Variants in C12orf42 observed in about 807,000 individuals in gnomAD.
C12orf42 encodes chromosome 12 open reading frame 42.
A neutral mutation model predicts 21.6 loss-of-function variants in C12orf42; 25 were observed. That is an observed-to-expected ratio of 1.16 (90% CI 0.84 to 1.62). The LOEUF (loss-of-function observed/expected upper bound fraction) is 1.62, where lower values mean the gene tolerates loss of function less well. Ranked by LOEUF, C12orf42 falls within the 40% of genes most tolerant of loss-of-function variation. The probability of loss-of-function intolerance (pLI) is 0.00; values close to 1 mark genes in which losing one functional copy is unlikely to be tolerated. For synonymous variants in C12orf42, 174 were observed against 175.0 expected (o/e 0.99, Z 0.05); for missense variants, 483 against 459.3 (o/e 1.05, Z -0.47).
the C12orf42 span, among the ~76,000 whole-genome samples, chr12:103,194,091 G>C: frequency 0.025 from 3,746 of 151,504 alleles, 46 homozygotes; most frequent in East Asian, 0.028. Context: ...CATCTCAATA[G>C]ATGCAGAAAA....
chr12:103,126,633 A>T, the C12orf42 span, among the ~76,000 whole-genome samples: 1 of 152,108 alleles, frequency 6.6e-6, no homozygotes, highest in Non-Finnish European at 1.5e-5. Context: ...TTGTTTGCAG[A>T]TGACATGATA....
intron 4 of C12orf42, among the ~76,000 whole-genome samples, chr12:103,353,306 G>A (rs911397668): frequency 6.6e-6 from 1 of 151,534 alleles, no homozygotes; most frequent in African/African-American, 2.4e-5. Flanking sequence ...AAAAAGAGGG[G>A]GTGGGGGGCA....
At chr12:103,260,835 G>T (rs988854953) in intron 10 of C12orf42, among the ~76,000 whole-genome samples, 4 of 152,174 alleles carry the variant, frequency 2.6e-5, no homozygotes, top group Non-Finnish European at 5.9e-5. Flanking sequence ...TTGTAAGTGT[G>T]AAGGTATATT....
At chr12:103,359,902 A>G (rs7955455) in intron 4 of C12orf42, among the ~76,000 whole-genome samples, 21,600 of 151,280 alleles carry the variant, frequency 0.14, 1,902 homozygotes, top group South Asian at 0.28. Context: ...CCCTTCCCCA[A>G]CTTGACCTTC....
chr12:103,296,224 T>C (rs968686314), intron 4 of C12orf42, among the ~76,000 whole-genome samples: 6 of 152,180 alleles, frequency 3.9e-5, no homozygotes, highest in African/African-American at 1.4e-4. Flanking sequence ...TAGTATTCCA[T>C]AGTGTATATG....
In C12orf42 at chr12:103,440,815, A is replaced by G. The variant is rs959418452; in HGVS notation, c.78+37534T>C. 2.6e-5 allele frequency among the ~76,000 whole-genome samples: 4 copies of G among 152,192 alleles called. 1 individual carries two copies. The highest frequency in any genetic ancestry group is 4.1e-4 in the South Asian group (2 of 4,826). On this transcript the variant is annotated intron_variant, in intron 2 of 5. Coordinates refer to ENST00000548883, the MANE Select transcript of C12orf42 (RefSeq NM_198521.5). Reference sequence around the variant, plus strand: ...CTTAGGCCAAGTTCTACAGTGAAAAAAAAAGTGTTTAAATTCCTTCACCAA... The same window carrying G: ...CTTAGGCCAAGTTCTACAGTGAAAAGAAAAGTGTTTAAATTCCTTCACCAA...
Position 103,393,573 on chromosome 12 carries a change from C to G in C12orf42, c.147+8034G>C, listed in dbSNP as rs1002250155. ...AAATATCAACAACAACACATGCTTC[C>G]GTTCCCTTATCCTGCTTTTTCTCTA... On this transcript the variant is annotated intron_variant, in intron 3 of 5. Transcript: ENST00000548883. Among the ~76,000 whole-genome samples the G allele has an allele frequency of 2.6e-5, 4 of 152,130 alleles. No homozygotes were observed. In the South Asian group the frequency reaches 6.2e-4, roughly 24 times the overall value.
chr12:103,475,809 A>G (rs1219989556), intron 2 of C12orf42, among the ~76,000 whole-genome samples: 2 of 152,202 alleles, frequency 1.3e-5, no homozygotes, highest in African/African-American at 4.8e-5. Flanking sequence ...GAATTATCAA[A>G]CATTTTGAGC....
the C12orf42 span, among the ~76,000 whole-genome samples, chr12:103,200,203 T>C: frequency 6.6e-6 from 1 of 152,092 alleles, no homozygotes; most frequent in Non-Finnish European, 1.5e-5. Context: ...TTAGAGGACA[T>C]TATGCTAAAT....
downstream of C12orf42, among the ~76,000 whole-genome samples, chr12:103,267,361 A>G (rs2035220409): frequency 6.6e-6 from 1 of 152,116 alleles, no homozygotes; most frequent in Non-Finnish European, 1.5e-5. Context: ...GCCAGGCACT[A>G]TTCTAGTAAT....
intron 2 of C12orf42, among the ~76,000 whole-genome samples, chr12:103,421,786 G>A (rs1279761270): frequency 6.6e-6 from 1 of 152,152 alleles, no homozygotes; most frequent in East Asian, 1.9e-4. Flanking sequence ...TCTGATGTCT[G>A]CACAAGTGTG....
the C12orf42 span, among the ~76,000 whole-genome samples, chr12:103,073,362 G>A: frequency 6.6e-6 from 1 of 152,004 alleles, no homozygotes; most frequent in Non-Finnish European, 1.5e-5. Context: ...AAAAGAAAAA[G>A]AAAATGCTCC....
the C12orf42 span, among the ~76,000 whole-genome samples, chr12:103,546,171 G>C: frequency 6.6e-6 from 1 of 152,196 alleles, no homozygotes; most frequent in African/African-American, 2.4e-5. Flanking sequence ...AGTTAAACTG[G>C]TGACCACATA....
the C12orf42 span, among the ~76,000 whole-genome samples, chr12:103,562,192 T>C: frequency 6.6e-6 from 1 of 152,202 alleles, no homozygotes; most frequent in East Asian, 1.9e-4. Context: ...CCTTTCAAAC[T>C]CAATTACTGA....
intron 4 of C12orf42, chr12:103,349,334 C>T (rs1039179118): frequency 6.6e-6 from 1 of 151,938 alleles, no homozygotes; most frequent in Non-Finnish European, 1.5e-5. Context: ...GAAAAAAGAA[C>T]AAAGAAATGA....
intron 10 of C12orf42, among the ~76,000 whole-genome samples, chr12:103,263,069 G>T (rs528208471): frequency 1.3e-5 from 2 of 151,964 alleles, no homozygotes; most frequent in African/African-American, 4.8e-5. Context: ...ACCAAATACC[G>T]CATGTTCTCA....
the C12orf42 span, among the ~76,000 whole-genome samples, chr12:103,507,939 G>A: frequency 6.6e-6 from 1 of 152,064 alleles, no homozygotes; most frequent in African/African-American, 2.4e-5. Flanking sequence ...CCTCAACCCC[G>A]ACTACCGTAG....
chr12:103,315,584 T>C (rs554699006), intron 4 of C12orf42, among the ~76,000 whole-genome samples: 1 of 152,190 alleles, frequency 6.6e-6, no homozygotes, highest in South Asian at 2.1e-4. Flanking sequence ...AGGTGCAGCA[T>C]ATACATAATT....
chr12:103,497,985 A>G (rs905255446), upstream of C12orf42, among the ~76,000 whole-genome samples: 1 of 152,104 alleles, frequency 6.6e-6, no homozygotes. Context: ...CAGTGAGCAG[A>G]GACAGCGCCA....
Sources: allele counts gnomAD v4.1 joint callset (sites outside exome capture counted in the v4.1 genomes callset), GRCh38; gene constraint gnomAD v4.1.1; transcripts MANE v1.5; gene names NCBI Gene and HGNC (gene_info 2026-07-23, HGNC 2026-07-21).